CSMD1: variants seen among roughly 807,000 people sequenced by gnomAD.
CSMD1 encodes the protein CUB and Sushi multiple domains 1.
CSMD1 carries 213 observed loss-of-function variants against 417.5 expected under a neutral mutation model. That is an observed-to-expected ratio of 0.51 (90% CI 0.46 to 0.57). CSMD1 has a LOEUF of 0.57. Ranked by LOEUF, CSMD1 falls within the 20% of genes least tolerant of loss-of-function variation. CSMD1 has a pLI of 0.00. For missense variants in CSMD1, 6,923 were observed against 4,529.7 expected (o/e 1.53, Z -15.17); for synonymous variants, 2,862 against 1,736.8 (o/e 1.65, Z -16.11).
intron 10 of CSMD1, among the ~76,000 whole-genome samples, chr8:3,551,926 G>GT (rs1798933086): frequency 6.6e-6 from 1 of 152,118 alleles, no homozygotes; most frequent in Non-Finnish European, 1.5e-5. Context: ...TCCAGACGTG[G>GT]TTTTAGCTAC....
chr8:4,975,154 T>G (rs1343021343), intron 1 of CSMD1, among the ~76,000 whole-genome samples: 3 of 152,238 alleles, frequency 2.0e-5, no homozygotes, highest in African/African-American at 7.2e-5. Context: ...TTCCAGCAAA[T>G]TAAGAGGGAA....
intron 10 of CSMD1, among the ~76,000 whole-genome samples, chr8:3,524,092 C>A (rs111205000): frequency 6.6e-6 from 1 of 151,228 alleles, no homozygotes; most frequent in Non-Finnish European, 1.5e-5. Context: ...CACACGCATG[C>A]ACACCCAGAG....
intron 1 of CSMD1, among the ~76,000 whole-genome samples, chr8:4,922,537 C>A (rs983157924): frequency 2.6e-5 from 4 of 152,136 alleles, no homozygotes; most frequent in African/African-American, 9.7e-5. Flanking sequence ...ACCATTCACA[C>A]CCTTTCAGTT....
intron 10 of CSMD1, among the ~76,000 whole-genome samples, chr8:3,523,674 C>CGT (rs1554453745): frequency 6.6e-6 from 1 of 150,982 alleles, no homozygotes; most frequent in Non-Finnish European, 1.5e-5. Context: ...TGCACACACA[C>CGT]GTACACCCAG....
At chr8:3,956,226 G>T (rs529041548) in intron 5 of CSMD1, among the ~76,000 whole-genome samples, 1 of 152,024 alleles carries the variant, frequency 6.6e-6, no homozygotes. Flanking sequence ...TAATGTGCCA[G>T]GTGGTGTTGT....
At chr8:3,635,644 T>C (rs13270151) in intron 7 of CSMD1, among the ~76,000 whole-genome samples, 68,473 of 150,514 alleles carry the variant, frequency 0.45, 15,614 homozygotes, top group Middle Eastern at 0.63. Flanking sequence ...CCACCATGCC[T>C]GGCTATTTTT....
intron 27 of CSMD1, among the ~76,000 whole-genome samples, chr8:3,228,629 G>T (rs934307024): frequency 1.3e-5 from 2 of 151,982 alleles, no homozygotes; most frequent in Admixed American, 6.6e-5. Context: ...ACAGAAGATC[G>T]ATTTGTTTAT....
At chr8:4,863,160 T>C (rs755001850) in intron 1 of CSMD1, among the ~76,000 whole-genome samples, 50 of 152,232 alleles carry the variant, frequency 3.3e-4, no homozygotes, top group Non-Finnish European at 6.2e-4. Context: ...TAATTAGAAA[T>C]ATGAATTGAC....
At chr8:2,963,497 T>C (rs1803684075) in intron 59 of CSMD1, 102 bp from the exon 60 acceptor site, 3 of 1,134,126 alleles carry the variant, frequency 2.6e-6, no homozygotes, top group Admixed American at 2.2e-5. Context: ...ACAAATGACA[T>C]CTACATAGGT....
At chr8:3,770,568 G>C (rs187280962) in intron 5 of CSMD1, among the ~76,000 whole-genome samples, 1 of 151,992 alleles carries the variant, frequency 6.6e-6, no homozygotes, top group Admixed American at 6.6e-5. Flanking sequence ...GAACATAATA[G>C]GAACATTAAG....
intron 5 of CSMD1, among the ~76,000 whole-genome samples, chr8:3,813,068 C>G (rs1231838099): frequency 6.8e-6 from 1 of 147,830 alleles, no homozygotes; most frequent in Non-Finnish European, 1.5e-5. Context: ...GCTGGTATAC[C>G]AAGAAAATTC....
intron 10 of CSMD1, among the ~76,000 whole-genome samples, chr8:3,496,401 C>A (rs1796366157): frequency 6.6e-6 from 1 of 152,062 alleles, no homozygotes; most frequent in Non-Finnish European, 1.5e-5. Flanking sequence ...AAGCACTGGC[C>A]TCAACCTACA....
In CSMD1 at chr8:3,696,831, T is replaced by C. The variant is rs376022495; in HGVS notation, c.1009+11583A>G. Reference sequence around the variant, plus strand: ...TCTTTATCATTTGAATTAAAATGTATTCCCATAGTTTAAATTCCCTTATTT... The same window carrying C: ...TCTTTATCATTTGAATTAAAATGTACTCCCATAGTTTAAATTCCCTTATTT... On this transcript the variant is annotated intron_variant, in intron 7 of 69. Transcript: ENST00000635120. Among the ~76,000 whole-genome samples the C allele has an allele frequency of 1.9e-4, 29 of 152,336 alleles. No individual in the cohort carries two copies. In the East Asian group the frequency reaches 5.4e-3, roughly 28 times the overall value.
chr8:4,668,762 T>TGGAA (rs1396287475), intron 1 of CSMD1, among the ~76,000 whole-genome samples: 1 of 152,132 alleles, frequency 6.6e-6, no homozygotes, highest in Non-Finnish European at 1.5e-5. Context: ...TAGTTTTCCA[T>TGGAA]TTCCAGTGTT....
intron 3 of CSMD1, among the ~76,000 whole-genome samples, chr8:4,124,979 C>G (rs1175839480): frequency 1.3e-5 from 2 of 152,104 alleles, no homozygotes; most frequent in Non-Finnish European, 2.9e-5. Context: ...TTTACTGTCG[C>G]TTTTGCTTTC....
intron 5 of CSMD1, among the ~76,000 whole-genome samples, chr8:3,871,606 A>G (rs188558973): frequency 8.9e-4 from 136 of 152,300 alleles, no homozygotes; most frequent in African/African-American, 3.2e-3. Flanking sequence ...TAGTCTTCAA[A>G]TTCAGATTAT....
chr8:3,859,217 G>T (rs1465434464), intron 5 of CSMD1, among the ~76,000 whole-genome samples: 2 of 152,126 alleles, frequency 1.3e-5, no homozygotes, highest in Non-Finnish European at 2.9e-5. Context: ...ACGTGGGAAA[G>T]CCACCATTCA....
rs986198771 is a variant in CSMD1, at chr8:4,112,596, C to T, written c.416-80497G>A. Among the ~76,000 whole-genome samples the T allele has an allele frequency of 7.9e-5, 12 of 152,072 alleles. 1 individual carries two copies. In the East Asian group the frequency reaches 9.7e-4, roughly 12 times the overall value. On this transcript the variant is annotated intron_variant, in intron 3 of 69. Transcript: ENST00000635120. ...GGGGAGGCTGACTTCACAGTCTGTG[C>T]GTGTATGAGGGCTGGTTCTCAGCAA...
At chr8:3,620,382 A>T (rs1488611389) in intron 7 of CSMD1, among the ~76,000 whole-genome samples, 1 of 152,128 alleles carries the variant, frequency 6.6e-6, no homozygotes, top group Admixed American at 6.6e-5. Flanking sequence ...AATATATATA[A>T]AAAAGTATTA....
Sources: gnomAD v4.1 joint callset for allele counts (sites outside exome capture counted in the v4.1 genomes callset) on GRCh38, gnomAD v4.1.1 for gene constraint, MANE v1.5 for transcripts, NCBI Gene and HGNC (gene_info 2026-07-23, HGNC 2026-07-21) for gene names.